The following IQCM variants were observed in gnomAD, a reference collection of about 807,000 sequenced individuals.
IQCM encodes IQ motif containing M.
Under a neutral mutation model 57.6 loss-of-function variants are expected in IQCM, and 45 were observed. That is an observed-to-expected ratio of 0.78 (90% CI 0.62 to 1.00). IQCM has a LOEUF of 1.00. Among genes scored for constraint, IQCM ranks in the 50% least tolerant of loss-of-function variants. IQCM has a pLI of 0.00. For synonymous variants in IQCM, 148 were observed against 158.9 expected, an observed-to-expected ratio of 0.93 and a Z score of 0.51; for missense variants, 468 against 511.6, an observed-to-expected ratio of 0.91 and a Z score of 0.82.
chr4:149,651,234 A>C (rs534917597), intron 7 of IQCM, among the ~76,000 whole-genome samples: 1 of 152,136 alleles, frequency 6.6e-6, no homozygotes, highest in Non-Finnish European at 1.5e-5. Context: ...AAGGGAGATA[A>C]AGTGCTTATT....
chr4:149,551,958 C>T (rs1005597062), intron 11 of IQCM, among the ~76,000 whole-genome samples: 1 of 152,010 alleles, frequency 6.6e-6, no homozygotes, highest in Non-Finnish European at 1.5e-5. Context: ...CTGCTTTCTG[C>T]TCTTTTCTCT....
chr4:149,406,673 C>A (rs1412892234), intron 13 of IQCM, among the ~76,000 whole-genome samples: 2 of 152,142 alleles, frequency 1.3e-5, no homozygotes, highest in African/African-American at 4.8e-5. Context: ...ACACAGCACA[C>A]AAACTGAATT....
chr4:149,611,692 G>T (rs764186769), intron 8 of IQCM, among the ~76,000 whole-genome samples: 2 of 152,018 alleles, frequency 1.3e-5, no homozygotes, highest in African/African-American at 4.8e-5. Context: ...GAAGAGTAAT[G>T]GGGGTGGTGA....
At chr4:149,386,627 A>G (rs1448274644) in intron 13 of IQCM, among the ~76,000 whole-genome samples, 2 of 152,080 alleles carry the variant, frequency 1.3e-5, no homozygotes, top group Non-Finnish European at 2.9e-5. Flanking sequence ...TATCTTTTAT[A>G]CACATGGGTT....
chr4:149,789,571 G>T (rs1372645969), intron 2 of IQCM, among the ~76,000 whole-genome samples: 1 of 152,178 alleles, frequency 6.6e-6, no homozygotes, highest in Non-Finnish European at 1.5e-5. Flanking sequence ...TGTCATCCAA[G>T]CACTTTGGAA....
chr4:149,789,986 T>C, intron 2 of IQCM: 1 of 337,650 alleles, frequency 3.0e-6, no homozygotes, highest in Non-Finnish European at 5.8e-6. Flanking sequence ...GAAGAGAAGA[T>C]ACTCAGAAAC....
At chr4:149,572,408 T>A (rs1368929089) in intron 9 of IQCM, among the ~76,000 whole-genome samples, 1 of 151,900 alleles carries the variant, frequency 6.6e-6, no homozygotes, top group African/African-American at 2.4e-5. Flanking sequence ...TGCCTCAATC[T>A]CCCAAGTAGC....
intron 10 of IQCM, among the ~76,000 whole-genome samples, chr4:149,559,181 C>G (rs1247084521): frequency 6.6e-6 from 1 of 152,156 alleles, no homozygotes; most frequent in Non-Finnish European, 1.5e-5. Context: ...AAAAAGCATA[C>G]TAGTTGTTTT....
At chr4:149,564,749 C>T (rs1750450157) in intron 9 of IQCM, among the ~76,000 whole-genome samples, 1 of 152,160 alleles carries the variant, frequency 6.6e-6, no homozygotes, top group Non-Finnish European at 1.5e-5. Flanking sequence ...CCTTGCTCCT[C>T]AGCCTGCAGA....
chr4:149,613,912 T>C (rs1409643013), intron 8 of IQCM, among the ~76,000 whole-genome samples: 1 of 152,216 alleles, frequency 6.6e-6, no homozygotes, highest in Non-Finnish European at 1.5e-5. Flanking sequence ...TCATTTTTTA[T>C]GGCTACATAG....
At chr4:149,689,679 T>C (rs534592046) in intron 5 of IQCM, among the ~76,000 whole-genome samples, 2 of 152,176 alleles carry the variant, frequency 1.3e-5, no homozygotes, top group South Asian at 2.1e-4. Flanking sequence ...AATCTATGCA[T>C]CTGACAAAGG....
chr4:149,798,756 A>G (rs1380871417), intron 2 of IQCM, among the ~76,000 whole-genome samples: 1 of 152,050 alleles, frequency 6.6e-6, no homozygotes, highest in African/African-American at 2.4e-5. Flanking sequence ...AAAGTTCACT[A>G]TATAACGATG....
chr4:149,698,077 G>A (rs1223025230), intron 5 of IQCM, among the ~76,000 whole-genome samples: 4 of 151,890 alleles, frequency 2.6e-5, no homozygotes, highest in Admixed American at 6.6e-5. Context: ...TGTGCTAGAC[G>A]GGTTGTCTGA....
At chr4:149,476,405 G>A (rs1740196452) in intron 12 of IQCM, among the ~76,000 whole-genome samples, 1 of 152,116 alleles carries the variant, frequency 6.6e-6, no homozygotes, top group Non-Finnish European at 1.5e-5. Context: ...ATTACAATAT[G>A]AAATTATCAT....
intron 7 of IQCM, among the ~76,000 whole-genome samples, chr4:149,654,842 A>G (rs1316902634): frequency 1.3e-5 from 2 of 152,238 alleles, no homozygotes; most frequent in East Asian, 1.9e-4. Context: ...TAAATAATAC[A>G]TTATATTTAG....
chr4:149,371,176 T>C (rs754753970), intron 13 of IQCM, among the ~76,000 whole-genome samples: 1 of 152,124 alleles, frequency 6.6e-6, no homozygotes, highest in Non-Finnish European at 1.5e-5. Flanking sequence ...AGGGTAAATA[T>C]GCTCAAAGTT....
chr4:149,788,799 G>C (rs1448451319), intron 2 of IQCM, among the ~76,000 whole-genome samples: 1 of 152,162 alleles, frequency 6.6e-6, no homozygotes, highest in Non-Finnish European at 1.5e-5. Flanking sequence ...ATACACAGCA[G>C]AATACTATTC....
chr4:149,776,780 G>A (rs1451486796), intron 2 of IQCM, among the ~76,000 whole-genome samples: 1 of 151,814 alleles, frequency 6.6e-6, no homozygotes, highest in Non-Finnish European at 1.5e-5. Flanking sequence ...ATGAAGAATG[G>A]CTAAGAAGAC....
chr4:149,355,331 G>A (rs1728884022), intron 13 of IQCM, among the ~76,000 whole-genome samples: 1 of 151,826 alleles, frequency 6.6e-6, no homozygotes, highest in Admixed American at 6.6e-5. Context: ...CCATGTTGGT[G>A]TACTGCACCC....
Sources: allele counts gnomAD v4.1 joint callset (sites outside exome capture counted in the v4.1 genomes callset), GRCh38; gene constraint gnomAD v4.1.1; transcripts MANE v1.5; gene names NCBI Gene and HGNC (gene_info 2026-07-23, HGNC 2026-07-21).